TDRD7: variants seen among roughly 807,000 people sequenced by gnomAD.
The protein encoded by TDRD7 is tudor domain-containing protein 7.
TDRD7 carries 47 observed loss-of-function variants against 109.8 expected under a neutral mutation model. The ratio of observed to expected loss-of-function variants is 0.43; its 90% CI spans 0.34 to 0.55. The LOEUF (loss-of-function observed/expected upper bound fraction) is 0.55. Among genes scored for constraint, TDRD7 ranks in the 20% least tolerant of loss-of-function variants. The pLI, the probability that TDRD7 is intolerant of heterozygous loss-of-function variation, is 0.03. For synonymous variants in TDRD7, 424 were observed against 457.3 expected, an observed-to-expected ratio of 0.93 and a Z score of 0.93; for missense variants, 1,164 against 1,319.2, an observed-to-expected ratio of 0.88 and a Z score of 1.82.
In TDRD7 at chr9:97,432,019, T is replaced by C; in HGVS notation, c.350-6T>C. 6.2e-7 allele frequency: 1 copy of C among 1,613,594 alleles called. No homozygotes were observed. Among genetic ancestry groups the C allele is most frequent in the Non-Finnish European group, 8.5e-7 (1 of 1,179,652 alleles). ...TTGATTTCGTTATGTATGCCTAACT[T>C]CATAGGAAAACCAAAAGCAACCCTC... On this transcript the variant is annotated splice_region_variant and splice_polypyrimidine_tract_variant and intron_variant, in intron 3 of 16. Transcript: ENST00000355295.
Position 97,432,106 on chromosome 9 carries a change from G to T in TDRD7, c.431G>T (p.Arg144Ile). Reference sequence around the variant, plus strand: ...AAAAAACCTAATCCAGCACCGTTAAGAGACAAAGGAAACTCTGTTGGAGTT... The same window carrying T: ...AAAAAACCTAATCCAGCACCGTTAATAGACAAAGGAAACTCTGTTGGAGTT... Reference protein sequence around the residue: ...VGKKPNPAPLRDKGNSVGVKP... With the variant: ...VGKKPNPAPLIDKGNSVGVKP... The change falls in exon 4 of 17, where the codon AGA becomes ATA. Residue 144 changes from arginine to isoleucine, a missense_variant. This residue lies in a region of TDRD7 where 407 missense variants were observed against 394.0 expected (regional missense o/e 1.03). Transcript: ENST00000355295. 6.2e-7 allele frequency: 1 copy of T among 1,613,840 alleles called. No homozygotes were observed. The highest frequency in any genetic ancestry group is 1.3e-5 in the African/African-American group (1 of 75,002).
intron 4 of TDRD7, among the ~76,000 whole-genome samples, chr9:97,433,502 G>A (rs7047673): frequency 0.46 from 69,173 of 151,610 alleles, 15,828 homozygotes; most frequent in Admixed American, 0.52. Context: ...GGCAACAAAA[G>A]CAAAAATAGA....
chr9:97,478,372 A>C, intron 12 of TDRD7, 67 bp from the exon 13 acceptor site: 3 of 1,576,226 alleles, frequency 1.9e-6, no homozygotes, highest in Non-Finnish European at 1.7e-6. Flanking sequence ...TACAAAATGT[A>C]ATTGCACAGA....
intron 6 of TDRD7, among the ~76,000 whole-genome samples, chr9:97,459,601 T>C (rs1298225362): frequency 6.6e-6 from 1 of 152,238 alleles, no homozygotes; most frequent in African/African-American, 2.4e-5. Flanking sequence ...AAGTGCTAGG[T>C]ATTTTTAATA....
At chr9:97,464,259 C>T (rs1166582613) in intron 7 of TDRD7, among the ~76,000 whole-genome samples, 2 of 152,198 alleles carry the variant, frequency 1.3e-5, no homozygotes, top group Non-Finnish European at 2.9e-5. Flanking sequence ...CTGTTATGCC[C>T]TCTCGTTGTC....
At chr9:97,494,713 T>TATATATATATA (rs1491205980) in intron 16 of TDRD7, among the ~76,000 whole-genome samples, 6 of 77,056 alleles carry the variant, frequency 7.8e-5, no homozygotes, top group Non-Finnish European at 1.3e-4. Context: ...TATATATATA[T>TATATATATATA]TTTTTTTTTT....
At position 97,430,952 on chromosome 9, in the gene TDRD7, C is replaced by G; in HGVS notation, c.227C>G (p.Ala76Gly). ...GAATAGATTACCTGCTATGCCATGG[C>G]CTGCACAGAAACTGCAAGAATTGCT... is the stretch of plus-strand genomic sequence containing the variant. ...RSGEITCYAM[A>G]CTETARIAQL... Residue 76 changes from alanine to glycine, a missense_variant, in exon 3 of 17, where the codon GCC (alanine) becomes GGC (glycine). Physicochemically the swap from Ala to Gly is moderately conservative, Grantham distance 60. Transcript: ENST00000355295. 6.2e-7 allele frequency: 1 copy of G among 1,613,788 alleles called. No homozygotes were observed. Among genetic ancestry groups the G allele is most frequent in the Non-Finnish European group, 8.5e-7 (1 of 1,179,812 alleles).
At chr9:97,483,906 A>G (rs892504838) in intron 15 of TDRD7, among the ~76,000 whole-genome samples, 4 of 152,156 alleles carry the variant, frequency 2.6e-5, no homozygotes, top group East Asian at 1.9e-4. Flanking sequence ...TATAATGGCT[A>G]TTTTAATCAT....
chr9:97,443,928 G>GT (rs1220497475), intron 6 of TDRD7, among the ~76,000 whole-genome samples: 3 of 151,940 alleles, frequency 2.0e-5, no homozygotes, highest in East Asian at 1.9e-4. Context: ...TGTGTTTCTA[G>GT]TTTTTTTATA....
At chr9:97,452,250 G>T (rs542236321) in intron 6 of TDRD7, among the ~76,000 whole-genome samples, 22 of 152,140 alleles carry the variant, frequency 1.4e-4, no homozygotes, top group Non-Finnish European at 2.6e-4. Flanking sequence ...AAACCCCAAA[G>T]ATTGGAATGA....
chr9:97,487,459 C>T (rs1270796195), intron 16 of TDRD7, 127 bp downstream of exon 16: 2 of 1,182,200 alleles, frequency 1.7e-6, no homozygotes, highest in African/African-American at 1.5e-5. Context: ...TTTTTTTGTG[C>T]TAATAATATT....
rs895148250 is a variant in TDRD7, at chr9:97,422,708, A to G, written c.-6-5752A>G. Among the ~76,000 whole-genome samples, 5 of 150,802 alleles carry G rather than the reference A, an allele frequency of 3.3e-5. No individual in the cohort carries two copies. In the East Asian group the frequency reaches 7.9e-4, roughly 24 times the overall value. The stretch of plus-strand genomic sequence containing the variant: ...TATCAGGTTAAGGACTTCCCATTTT[A>G]TTCTAATATTCTGAGAGTTTTTTAT... On this transcript the variant is annotated intron_variant, in intron 1 of 16. Coordinates refer to ENST00000355295, the MANE Select transcript of TDRD7 (RefSeq NM_014290.3).
intron 1 of TDRD7, among the ~76,000 whole-genome samples, chr9:97,415,635 G>A (rs1827798691): frequency 6.6e-6 from 1 of 151,996 alleles, no homozygotes; most frequent in South Asian, 2.1e-4. Flanking sequence ...GGGTATAAGC[G>A]AAGAAAAAAA....
In TDRD7 at chr9:97,482,699, G is replaced by A. The variant is rs1829136028; in HGVS notation, c.2413-150G>A. On this transcript the variant is annotated intron_variant, in intron 14 of 16. Transcript: ENST00000355295. ...GACTTCAGAGCCCATTCATTGCCAA[G>A]CTGTGATAATTTATTTTTCCTTAAA... 6.4e-6 allele frequency: 5 copies of A among 782,464 alleles called. No individual in the cohort carries two copies. The East Asian group carries it at 1.1e-4, about 17-fold the overall frequency. 48.5% of individuals were successfully genotyped at this position (782,464 alleles called of 1,614,324 possible).
intron 6 of TDRD7, among the ~76,000 whole-genome samples, chr9:97,453,489 G>T (rs1208852194): frequency 1.3e-5 from 2 of 152,056 alleles, no homozygotes; most frequent in African/African-American, 2.4e-5. Context: ...GGTTCTCTCA[G>T]CAAAGTAGAG....
At chr9:97,423,664 T>C (rs1476703443) in intron 1 of TDRD7, among the ~76,000 whole-genome samples, 2 of 152,148 alleles carry the variant, frequency 1.3e-5, no homozygotes, top group Admixed American at 6.5e-5. Flanking sequence ...TGCTATAAAT[T>C]TTCCTCTAAT....
chr9:97,431,182 C>CT, intron 3 of TDRD7, 108 bp downstream of exon 3: 2 of 1,494,586 alleles, frequency 1.3e-6, no homozygotes, highest in Non-Finnish European at 9.3e-7. Context: ...TATCTGTTAA[C>CT]ATACATATGT....
At chr9:97,475,532 T>A (rs974423571) in intron 12 of TDRD7, 63 bp downstream of exon 12, 43 of 1,177,628 alleles carry the variant, frequency 3.7e-5, no homozygotes, top group Admixed American at 2.5e-4. Flanking sequence ...AATATACACA[T>A]AGGTTTTTTT....
chr9:97,489,323 C>T (rs915617687), intron 16 of TDRD7, among the ~76,000 whole-genome samples: 10 of 152,078 alleles, frequency 6.6e-5, no homozygotes, highest in East Asian at 3.9e-4. Flanking sequence ...TTTTGATGAT[C>T]TGTTATTAGA....
Sources: allele counts gnomAD v4.1 joint callset (sites outside exome capture counted in the v4.1 genomes callset), GRCh38; gene constraint gnomAD v4.1.1; regional missense constraint gnomAD v4.1.1; transcripts MANE v1.5; gene names NCBI Gene and HGNC (gene_info 2026-07-23, HGNC 2026-07-21).